The following AGMO variants were observed in gnomAD, a reference collection of about 807,000 sequenced individuals.
AGMO encodes alkylglycerol monooxygenase.
A neutral mutation model predicts 60.2 loss-of-function variants in AGMO; 75 were observed. That is an observed-to-expected ratio of 1.25 (90% CI 1.03 to 1.51). The LOEUF (loss-of-function observed/expected upper bound fraction) is 1.51, where lower values mean the gene tolerates loss of function less well. Among genes scored for constraint, AGMO ranks in the 40% most tolerant of loss-of-function variants. AGMO has a pLI of 0.00. For synonymous variants in AGMO, 261 were observed against 177.1 expected (o/e 1.47, Z -3.76); for missense variants, 763 against 525.5 (o/e 1.45, Z -4.42).
intron 12 of AGMO, among the ~76,000 whole-genome samples, chr7:15,205,223 C>G (rs1781410366): frequency 6.6e-6 from 1 of 152,094 alleles, no homozygotes. Flanking sequence ...AAAAGAAAAA[C>G]AAATATCACT....
chr7:15,394,723 A>C (rs1315921291), intron 5 of AGMO, among the ~76,000 whole-genome samples: 5 of 152,150 alleles, frequency 3.3e-5, no homozygotes, highest in African/African-American at 7.2e-5. Context: ...TCACCCTGTA[A>C]ATCAGCCATG....
intron 5 of AGMO, among the ~76,000 whole-genome samples, chr7:15,405,019 A>G (rs970725816): frequency 6.6e-5 from 10 of 151,916 alleles, no homozygotes; most frequent in African/African-American, 2.4e-4. Flanking sequence ...ATTAGAATCT[A>G]TAAGGACTTA....
intron 3 of AGMO, among the ~76,000 whole-genome samples, chr7:15,464,478 G>A (rs185766795): frequency 9.1e-4 from 139 of 152,262 alleles, no homozygotes; most frequent in Non-Finnish European, 1.6e-3. Context: ...CAAGTAAGTC[G>A]TACCAATGTT....
Position 15,544,668 on chromosome 7 carries a change from T to G in AGMO, c.409+104A>C, listed in dbSNP as rs200697276. On this transcript the variant is annotated intron_variant, in intron 3 of 12. Transcript: ENST00000342526. ...ATTTTTATATCCGTAAAATATACTATTTTATTCCTGTATTTATCCATTCAA... is the reference window on the plus strand; with the variant it reads ...ATTTTTATATCCGTAAAATATACTAGTTTATTCCTGTATTTATCCATTCAA... 8 of 1,005,362 alleles carry G rather than the reference T, an allele frequency of 8.0e-6. No individual in the cohort carries two copies. In the East Asian group the frequency reaches 2.1e-4, roughly 26 times the overall value. 62.3% of individuals were successfully genotyped at this position (1,005,362 alleles called of 1,614,324 possible). A position where few individuals can be genotyped will look rare whatever the true frequency, so the allele number is the denominator to read the frequency against.
intron 12 of AGMO, among the ~76,000 whole-genome samples, chr7:15,352,373 TCA>T (rs1294384978): frequency 3.3e-5 from 5 of 151,870 alleles, no homozygotes; most frequent in South Asian, 2.1e-4. Context: ...GCTGCCACTA[TCA>T]CAGTCTCACA....
In AGMO at chr7:15,445,093, C is replaced by T. The variant is rs1781662161; in HGVS notation, c.410-13985G>A. ...TTTAATAATTTTTTAAAATACTGAA[C>T]ATTAGCTTGTGATAGTGTCTTTTAA... On this transcript the variant is annotated intron_variant, in intron 3 of 12. Coordinates refer to ENST00000342526, the MANE Select transcript of AGMO (RefSeq NM_001004320.2). 2.6e-5 allele frequency among the ~76,000 whole-genome samples: 4 copies of T among 152,052 alleles called. No individual in the cohort carries two copies. In the South Asian group the frequency reaches 8.3e-4, roughly 32 times the overall value.
At chr7:15,345,778 T>C (rs978656305) in intron 12 of AGMO, among the ~76,000 whole-genome samples, 2 of 152,150 alleles carry the variant, frequency 1.3e-5, no homozygotes, top group Non-Finnish European at 2.9e-5. Context: ...CTTATCTATA[T>C]TCACCCATCT....
chr7:15,216,835 T>TGTGTGC (rs78776431), intron 12 of AGMO, among the ~76,000 whole-genome samples: 18 of 136,766 alleles, frequency 1.3e-4, no homozygotes, highest in South Asian at 8.5e-4. Flanking sequence ...AAAGAAAAAG[T>TGTGTGC]GTGTGTGTGT....
At chr7:15,407,562 T>G (rs1784739688) in intron 5 of AGMO, among the ~76,000 whole-genome samples, 1 of 151,730 alleles carries the variant, frequency 6.6e-6, no homozygotes, top group South Asian at 2.1e-4. Flanking sequence ...TTCAGGGTAG[T>G]AGCAAATATT....
chr7:15,415,108 T>C (rs539368979), intron 5 of AGMO, among the ~76,000 whole-genome samples: 1 of 152,182 alleles, frequency 6.6e-6, no homozygotes, highest in South Asian at 2.1e-4. Context: ...TTAAAAAAAA[T>C]AGTGAACTTC....
intron 12 of AGMO, among the ~76,000 whole-genome samples, chr7:15,269,775 T>C (rs1783541966): frequency 6.6e-6 from 1 of 151,948 alleles, no homozygotes. Context: ...CCTACTCCCA[T>C]AAGAGTCCTC....
At chr7:15,450,148 C>T (rs1001043744) in intron 3 of AGMO, among the ~76,000 whole-genome samples, 1 of 152,134 alleles carries the variant, frequency 6.6e-6, no homozygotes, top group African/African-American at 2.4e-5. Context: ...GGGCCGGGCG[C>T]GGTGGCTCAC....
intron 2 of AGMO, among the ~76,000 whole-genome samples, chr7:15,556,332 A>C (rs1785138877): frequency 6.8e-6 from 1 of 146,918 alleles, no homozygotes; most frequent in South Asian, 2.1e-4. Context: ...AACATTGTGG[A>C]GCTAGCTCCA....
At chr7:15,524,777 A>C (rs2196394) in intron 3 of AGMO, among the ~76,000 whole-genome samples, 1 of 150,894 alleles carries the variant, frequency 6.6e-6, no homozygotes, top group Admixed American at 6.6e-5. Flanking sequence ...CAGGAGAATC[A>C]CTTGAATGCA....
rs555797828 is a variant in AGMO, at chr7:15,519,311, A to G, written c.409+25461T>C. 4.6e-5 allele frequency among the ~76,000 whole-genome samples: 7 copies of G among 152,092 alleles called. No homozygotes were observed. In the East Asian group the frequency reaches 7.8e-4, roughly 17 times the overall value. ...AAATTCAGGAAATACAGAGAACACC[A>G]CAAAGATTAGCCTTGAGAAGAGCAA... On this transcript the variant is annotated intron_variant, in intron 3 of 12. Coordinates refer to ENST00000342526, the MANE Select transcript of AGMO (RefSeq NM_001004320.2).
intron 12 of AGMO, among the ~76,000 whole-genome samples, chr7:15,311,601 T>C (rs1257592016): frequency 6.6e-6 from 1 of 152,182 alleles, no homozygotes; most frequent in Admixed American, 6.5e-5. Context: ...TCCAGCTGCC[T>C]GACCAAAGCA....
chr7:15,255,535 A>AAAC (rs1392716193), intron 12 of AGMO, among the ~76,000 whole-genome samples: 1 of 25,018 alleles, frequency 4.0e-5, no homozygotes, highest in Non-Finnish European at 7.7e-5. Context: ...GTAAGAATAC[A>AAAC]AAAAAAAAAA....
intron 3 of AGMO, among the ~76,000 whole-genome samples, chr7:15,502,958 G>T (rs1783424917): frequency 6.6e-6 from 1 of 151,964 alleles, no homozygotes. Flanking sequence ...TAATAAAAAT[G>T]ATTTCCCTCA....
At chr7:15,330,767 T>C (rs935741572) in intron 12 of AGMO, among the ~76,000 whole-genome samples, 4 of 152,176 alleles carry the variant, frequency 2.6e-5, no homozygotes, top group African/African-American at 9.7e-5. Context: ...TTGCTAGTTA[T>C]GTGACTTTGG....
Sources: allele counts gnomAD v4.1 joint callset (sites outside exome capture counted in the v4.1 genomes callset), GRCh38; gene constraint gnomAD v4.1.1; transcripts MANE v1.5; gene names NCBI Gene and HGNC (gene_info 2026-07-23, HGNC 2026-07-21).